The following SV2B variants were observed in gnomAD, a reference collection of about 807,000 sequenced individuals.
SV2B encodes synaptic vesicle glycoprotein 2B, also known as solute carrier family 22 member B2.
In SV2B, 41 loss-of-function variants were observed where a neutral mutation model predicts 73.9. The observed-to-expected ratio is 0.56, with a 90% confidence interval of 0.43 to 0.72. SV2B has a LOEUF of 0.72. Among genes scored for constraint, SV2B ranks in the 30% least tolerant of loss-of-function variants. The pLI, the probability that SV2B is intolerant of heterozygous loss-of-function variation, is 0.00. For synonymous variants in SV2B, 314 were observed against 314.2 expected (o/e 1.00, Z 0.01); for missense variants, 764 against 857.8 (o/e 0.89, Z 1.37).
chr15:91,203,486 G>A (rs2045530773), intron 1 of SV2B, among the ~76,000 whole-genome samples: 1 of 152,236 alleles, frequency 6.6e-6, no homozygotes, highest in African/African-American at 2.4e-5. Context: ...GCAAATAACT[G>A]TAAAAGTTAA....
intron 1 of SV2B, among the ~76,000 whole-genome samples, chr15:91,174,007 A>G (rs756874): frequency 0.34 from 51,992 of 152,058 alleles, 9,547 homozygotes; most frequent in Middle Eastern, 0.45. Flanking sequence ...GCCAGTGTCT[A>G]TGTGAGAAAA....
chr15:91,202,779 T>C (rs1450757837), intron 1 of SV2B, among the ~76,000 whole-genome samples: 7 of 151,982 alleles, frequency 4.6e-5, no homozygotes, highest in Non-Finnish European at 1.0e-4. Context: ...GCTGGAAAGG[T>C]TGTAGAGTTG....
In SV2B at chr15:91,268,955, A is replaced by T. The variant is rs1004086373; in HGVS notation, c.1373+350A>T. Among the ~76,000 whole-genome samples, 8 of 152,182 alleles carry T rather than the reference A, an allele frequency of 5.3e-5. No individual in the cohort carries two copies. The highest frequency in any genetic ancestry group is 1.9e-4 in the African/African-American group (8 of 41,438). Reference sequence around the variant, plus strand: ...GGGCTCTTACTGCTGAGATTCCCGAACTAGTCCAAAGCCTGGGTGTTGAGC... The same window carrying T: ...GGGCTCTTACTGCTGAGATTCCCGATCTAGTCCAAAGCCTGGGTGTTGAGC... On this transcript the variant is annotated intron_variant, in intron 9 of 12. Coordinates refer to ENST00000394232, the MANE Select transcript of SV2B (RefSeq NM_001323032.3). The surrounding 1 kb of genome is among the most constrained non-coding windows in gnomAD (Gnocchi z 4.4).
At chr15:91,193,418 C>A (rs537622053) in intron 1 of SV2B, among the ~76,000 whole-genome samples, 110 of 152,044 alleles carry the variant, frequency 7.2e-4, no homozygotes, top group African/African-American at 2.6e-3. Flanking sequence ...TAAAAAAAAA[C>A]AAAAACAAAA....
intron 2 of SV2B, among the ~76,000 whole-genome samples, chr15:91,244,215 A>G (rs1374748355): frequency 3.3e-5 from 5 of 152,226 alleles, no homozygotes; most frequent in Non-Finnish European, 7.3e-5. Flanking sequence ...TGGAATGACA[A>G]ATTGAAATTA....
intron 1 of SV2B, among the ~76,000 whole-genome samples, chr15:91,148,720 T>C (rs1224792731): frequency 1.3e-5 from 2 of 152,178 alleles, no homozygotes; most frequent in Non-Finnish European, 2.9e-5. Flanking sequence ...AGATCTGCAG[T>C]TGGCAAGCTG....
chr15:91,109,916 T>C (rs1297370220), intron 1 of SV2B, among the ~76,000 whole-genome samples: 10 of 152,128 alleles, frequency 6.6e-5, no homozygotes. Flanking sequence ...TTTAATTTTT[T>C]GTAGAGACGA....
intron 1 of SV2B, among the ~76,000 whole-genome samples, chr15:91,221,735 A>C (rs568934063): frequency 6.7e-6 from 1 of 149,958 alleles, no homozygotes; most frequent in East Asian, 1.9e-4. Context: ...ACGTGCATAC[A>C]TGAAAGCTTC....
intron 1 of SV2B, among the ~76,000 whole-genome samples, chr15:91,183,202 G>A (rs2141323573): frequency 6.6e-6 from 1 of 152,300 alleles, no homozygotes; most frequent in East Asian, 1.9e-4. Flanking sequence ...GATGAAAAAT[G>A]AAAAATAGCT....
At chr15:91,108,072 T>C (rs1359621398) in intron 1 of SV2B, among the ~76,000 whole-genome samples, 3 of 152,178 alleles carry the variant, frequency 2.0e-5, no homozygotes. Context: ...TCCTTCATGC[T>C]CCTGGACTTG....
intron 1 of SV2B, among the ~76,000 whole-genome samples, chr15:91,204,082 T>G (rs1225241531): frequency 6.6e-6 from 1 of 152,152 alleles, no homozygotes; most frequent in African/African-American, 2.4e-5. Flanking sequence ...AGATATTTCT[T>G]TCAAACTGCT....
chr15:91,270,000 T>C (rs1430144236), intron 9 of SV2B, among the ~76,000 whole-genome samples: 1 of 152,164 alleles, frequency 6.6e-6, no homozygotes, highest in Non-Finnish European at 1.5e-5. Context: ...CCAAGATGTT[T>C]CATTGTCTGA....
chr15:91,268,447 T>C lies in SV2B; in HGVS notation c.1215T>C (p.Tyr405=), dbSNP rs1244074634. The C allele has an allele frequency of 6.2e-7, 1 of 1,613,452 alleles. No homozygotes were observed. The highest frequency in any genetic ancestry group is 8.5e-7 in the Non-Finnish European group (1 of 1,179,460). ...TCTGCCTTCTCCACTCCAGTTACTA[T>C]GGACTGACAGTTTGGTTTCCTGATA... ...VVWFAMAFSY[Y]GLTVWFPDMI... The change falls in exon 9 of 13, where the codon TAT becomes TAC. Residue 405 remains tyrosine, a synonymous_variant. Coordinates refer to ENST00000394232, the MANE Select transcript of SV2B (RefSeq NM_001323032.3). The surrounding 1 kb of genome is among the most constrained non-coding windows in gnomAD (Gnocchi z 4.4).
intron 9 of SV2B, among the ~76,000 whole-genome samples, chr15:91,274,446 A>C (rs2048417953): frequency 6.6e-6 from 1 of 152,230 alleles, no homozygotes; most frequent in Admixed American, 6.5e-5. Flanking sequence ...TGAGCCTGCC[A>C]TCTATGGAGA....
At chr15:91,233,924 A>G (rs8028331) in intron 2 of SV2B, among the ~76,000 whole-genome samples, 57,548 of 152,088 alleles carry the variant, frequency 0.38, 14,915 homozygotes, top group African/African-American at 0.74. Flanking sequence ...ATTTTTCTGG[A>G]AAGTATATGT....
At chr15:91,291,708 T>A (rs1255010179) in intron 12 of SV2B, among the ~76,000 whole-genome samples, 1 of 152,210 alleles carries the variant, frequency 6.6e-6, no homozygotes, top group Non-Finnish European at 1.5e-5. Context: ...TTGTTTTTCC[T>A]TGCATGGACT....
intron 1 of SV2B, among the ~76,000 whole-genome samples, chr15:91,107,362 G>C (rs1158779915): frequency 1.3e-5 from 2 of 151,354 alleles, no homozygotes; most frequent in African/African-American, 4.9e-5. Flanking sequence ...CACCAGGCTG[G>C]AGTGTAGTGG....
intron 1 of SV2B, among the ~76,000 whole-genome samples, chr15:91,113,683 T>C (rs1352812377): frequency 6.6e-6 from 1 of 152,206 alleles, no homozygotes; most frequent in African/African-American, 2.4e-5. Context: ...TCTTCTCTCA[T>C]TGTTTCTGAC....
At chr15:91,111,606 T>C (rs1351870731) in intron 1 of SV2B, among the ~76,000 whole-genome samples, 2 of 152,092 alleles carry the variant, frequency 1.3e-5, no homozygotes, top group African/African-American at 4.8e-5. Context: ...TAGGGAATGG[T>C]TTCAGGAGAA....
Sources: gnomAD v4.1 joint callset for allele counts (sites outside exome capture counted in the v4.1 genomes callset) on GRCh38, gnomAD v4.1.1 for gene constraint, Gnocchi (gnomAD v3.1) non-coding constraint, MANE v1.5 for transcripts, NCBI Gene and HGNC (gene_info 2026-07-23, HGNC 2026-07-21) for gene names.